Variants in TRIM23 observed in about 807,000 individuals in gnomAD.
TRIM23 encodes the protein E3 ubiquitin-protein ligase TRIM23.
A neutral mutation model predicts 71.0 loss-of-function variants in TRIM23; 27 were observed. That is an observed-to-expected ratio of 0.38 (90% confidence interval 0.28 to 0.52). The LOEUF is 0.52. Ranked by LOEUF, TRIM23 falls within the 20% of genes least tolerant of loss-of-function variation. The pLI, the probability that TRIM23 is intolerant of heterozygous loss-of-function variation, is 0.84. For missense variants in TRIM23, 482 were observed against 692.3 expected, an observed-to-expected ratio of 0.70 and a Z score of 3.41; for synonymous variants, 234 against 238.0, an observed-to-expected ratio of 0.98 and a Z score of 0.16.
intron 1 of TRIM23, among the ~76,000 whole-genome samples, chr5:65,623,853 T>C: frequency 6.6e-6 from 1 of 152,228 alleles, no homozygotes; most frequent in Non-Finnish European, 1.5e-5. Context: ...GTAGTTACGA[T>C]GATGATGACT....
chr5:65,618,464 T>C (rs1581191832), intron 1 of TRIM23, among the ~76,000 whole-genome samples: 1 of 152,190 alleles, frequency 6.6e-6, no homozygotes, highest in Admixed American at 6.5e-5. Flanking sequence ...TAATGAAATA[T>C]CTTTGAAATA....
In TRIM23 at chr5:65,590,058, C is replaced by T. The variant is rs246400; in HGVS notation, c.*1711G>A. ...ATTATAATCAGGCACAATTTTTCAA[C>T]TGTGTTCAGTTATATGCTAAGAATG... On this transcript the variant is annotated 3_prime_UTR_variant, in exon 11 of 11. Coordinates refer to ENST00000231524, the MANE Select transcript of TRIM23 (RefSeq NM_001656.4). 220,599 of 355,500 alleles carry T rather than the reference C, an allele frequency of 0.62. 69,260 individuals carry two copies. The highest frequency in any genetic ancestry group is 0.66 in the South Asian group (6,559 of 10,002). 22.0% of individuals were successfully genotyped at this position (355,500 alleles called of 1,614,324 possible).
chr5:65,611,939 T>C (rs1000820569), intron 3 of TRIM23, 58 bp from the exon 4 acceptor site: 12 of 1,483,428 alleles, frequency 8.1e-6, no homozygotes, highest in Middle Eastern at 2.3e-4. Flanking sequence ...ACATGACGAA[T>C]TTTTAAATAT....
intron 6 of TRIM23, among the ~76,000 whole-genome samples, 194 bp from the exon 7 acceptor site, chr5:65,605,239 G>A (rs1754464589): frequency 6.6e-6 from 1 of 152,196 alleles, no homozygotes; most frequent in African/African-American, 2.4e-5. Flanking sequence ...ATAAATTGTA[G>A]CATATAGATA....
intron 10 of TRIM23, among the ~76,000 whole-genome samples, chr5:65,593,443 ATAG>A (rs1386454446): frequency 6.6e-6 from 1 of 152,160 alleles, no homozygotes; most frequent in African/African-American, 2.4e-5. Flanking sequence ...CAAAATAATA[ATAG>A]TAACAGTTGT....
chr5:65,591,470 T>A lies in TRIM23; in HGVS notation c.*299A>T. 1 of 1,593,216 alleles carries A rather than the reference T, an allele frequency of 6.3e-7. No homozygotes were observed. Among genetic ancestry groups the A allele is most frequent in the Non-Finnish European group, 8.5e-7 (1 of 1,171,538 alleles). On this transcript the variant is annotated 3_prime_UTR_variant, in exon 11 of 11. Coordinates refer to ENST00000231524, the MANE Select transcript of TRIM23 (RefSeq NM_001656.4). ...TACCCTTTCTCTGTGACTACCTCTT[T>A]CCCAGTATATTGGTCACATATTATC... is the stretch of plus-strand genomic sequence containing the variant.
At chr5:65,601,143 A>C (rs1221692774) in intron 7 of TRIM23, among the ~76,000 whole-genome samples, 1 of 152,218 alleles carries the variant, frequency 6.6e-6, no homozygotes, top group African/African-American at 2.4e-5. Context: ...TTCTGGGTAT[A>C]TATCCAAAAG....
At chr5:65,611,072 G>C (rs1171813190) in intron 4 of TRIM23, 29 bp from the exon 5 acceptor site, 7 of 1,567,798 alleles carry the variant, frequency 4.5e-6, no homozygotes, top group Middle Eastern at 1.7e-4. Context: ...TTAGAGAAAA[G>C]AACTCATAGT....
rs557871085 is a variant in TRIM23, at chr5:65,590,505, A to G, written c.*1264T>C. Reference sequence around the variant, plus strand: ...CACTGTCCTTACAACAATTCAACTAATAAGATTTAAGATTTAACTTCATCC... The same window carrying G: ...CACTGTCCTTACAACAATTCAACTAGTAAGATTTAAGATTTAACTTCATCC... On this transcript the variant is annotated 3_prime_UTR_variant, in exon 11 of 11. Transcript: ENST00000231524. 363 of 1,190,914 alleles carry G rather than the reference A, an allele frequency of 3.0e-4. No individual in the cohort carries two copies. Among genetic ancestry groups the G allele is most frequent in the Non-Finnish European group, 3.6e-4 (344 of 951,816 alleles). The allele number at this position is 1,190,914 out of a possible 1,614,324, so 73.8% of individuals were successfully genotyped here. A position where few individuals can be genotyped will look rare whatever the true frequency, so the allele number is the denominator to read the frequency against.
At chr5:65,602,931 T>TG (rs1339552062) in intron 7 of TRIM23, among the ~76,000 whole-genome samples, 1 of 152,134 alleles carries the variant, frequency 6.6e-6, no homozygotes, top group Non-Finnish European at 1.5e-5. Flanking sequence ...GAGATTTGGG[T>TG]GGGGACACAG....
At chr5:65,593,879 A>T (rs1018287214) in intron 10 of TRIM23, among the ~76,000 whole-genome samples, 2 of 152,180 alleles carry the variant, frequency 1.3e-5, no homozygotes, top group African/African-American at 4.8e-5. Flanking sequence ...CTTTGCCCTG[A>T]TTCATTCTAC....
At chr5:65,594,125 G>C (rs979406539) in intron 10 of TRIM23, among the ~76,000 whole-genome samples, 1 of 152,138 alleles carries the variant, frequency 6.6e-6, no homozygotes, top group Non-Finnish European at 1.5e-5. Flanking sequence ...TATCTTCTCT[G>C]TCTATAATGT....
intron 2 of TRIM23, among the ~76,000 whole-genome samples, chr5:65,616,244 G>C (rs1754775306): frequency 1.3e-5 from 2 of 152,196 alleles, no homozygotes; most frequent in Admixed American, 1.3e-4. Context: ...GAGGAGGATG[G>C]ATGTATTCAG....
intron 9 of TRIM23, among the ~76,000 whole-genome samples, chr5:65,595,968 T>C (rs1754192078): frequency 6.6e-6 from 1 of 152,198 alleles, no homozygotes; most frequent in Non-Finnish European, 1.5e-5. Flanking sequence ...AGCAAGCTAC[T>C]GTAAGTTCTT....
chr5:65,596,987 C>T, intron 8 of TRIM23, 64 bp downstream of exon 8: 2 of 1,585,348 alleles, frequency 1.3e-6, no homozygotes, highest in South Asian at 1.2e-5. Flanking sequence ...TCAAATAAGA[C>T]CCCAAGAACT....
intron 9 of TRIM23, among the ~76,000 whole-genome samples, chr5:65,596,008 T>A (rs971370877): frequency 3.9e-5 from 6 of 152,134 alleles, no homozygotes; most frequent in African/African-American, 1.4e-4. Context: ...GTGAAAGAAA[T>A]GTGGGAGTGG....
intron 1 of TRIM23, 105 bp downstream of exon 1, chr5:65,624,089 G>C: frequency 7.3e-7 from 1 of 1,363,248 alleles, no homozygotes; most frequent in Non-Finnish European, 1.0e-6. Context: ...CCCAGAGGCC[G>C]CGCATCCCAC....
At chr5:65,624,048 G>A (rs1449352406) in intron 1 of TRIM23, 146 bp downstream of exon 1, 3 of 800,886 alleles carry the variant, frequency 3.7e-6, no homozygotes, top group Non-Finnish European at 6.0e-6. Context: ...GGATGCAGAG[G>A]ACAGGACGAG....
At chr5:65,614,010 T>C in intron 3 of TRIM23, 88 bp downstream of exon 3, 1 of 1,563,396 alleles carries the variant, frequency 6.4e-7, no homozygotes, top group Non-Finnish European at 8.7e-7. Context: ...CCTGCTGAAA[T>C]AAATGAAGTA....
Sources: gnomAD v4.1 joint callset for allele counts (sites outside exome capture counted in the v4.1 genomes callset) on GRCh38, gnomAD v4.1.1 for gene constraint, MANE v1.5 for transcripts, NCBI Gene and HGNC (gene_info 2026-07-23, HGNC 2026-07-21) for gene names.